Variants in ESRRG observed in about 807,000 individuals in gnomAD.
ESRRG encodes the protein estrogen-related receptor gamma.
In ESRRG, 13 loss-of-function variants were observed where a neutral mutation model predicts 44.0. The observed-to-expected ratio is 0.30, with a 90% confidence interval of 0.19 to 0.47. The LOEUF (loss-of-function observed/expected upper bound fraction) is 0.47, where lower values mean the gene tolerates loss of function less well. Ranked by LOEUF, ESRRG falls within the 20% of genes least tolerant of loss-of-function variation. The pLI is 1.00. For synonymous variants in ESRRG, 215 were observed against 214.6 expected, an observed-to-expected ratio of 1.00 and a Z score of -0.02; for missense variants, 395 against 580.6, an observed-to-expected ratio of 0.68 and a Z score of 3.29.
intron 1 of ESRRG, among the ~76,000 whole-genome samples, chr1:216,944,682 C>T (rs939213794): frequency 2.0e-5 from 3 of 152,152 alleles, no homozygotes; most frequent in African/African-American, 7.2e-5. Context: ...CTTACAAAGT[C>T]ATGACTAGAA....
intron 1 of ESRRG, among the ~76,000 whole-genome samples, chr1:216,700,006 G>T (rs1194713037): frequency 6.6e-6 from 1 of 152,106 alleles, no homozygotes; most frequent in African/African-American, 2.4e-5. Context: ...CAGTCAATCA[G>T]CCTGGGCTGA....
chr1:216,747,651 T>C (rs2152275286), intron 2 of ESRRG, among the ~76,000 whole-genome samples: 1 of 152,314 alleles, frequency 6.6e-6, no homozygotes, highest in East Asian at 1.9e-4. Flanking sequence ...CCAAAATACT[T>C]ACTGGTATAA....
intron 2 of ESRRG, among the ~76,000 whole-genome samples, chr1:216,854,807 G>A (rs2095900505): frequency 7.1e-6 from 1 of 141,290 alleles, no homozygotes; most frequent in Non-Finnish European, 1.5e-5. Flanking sequence ...CAGTGAAATT[G>A]TAAACTCCCG....
intron 1 of ESRRG, among the ~76,000 whole-genome samples, chr1:217,135,203 GC>G (rs2093032013): frequency 6.6e-6 from 1 of 151,598 alleles, no homozygotes; most frequent in Admixed American, 6.6e-5. Context: ...GCGCGGGGCA[GC>G]CCTCTAGGGC....
intron 2 of ESRRG, chr1:216,854,920 C>T (rs914987371): frequency 5.9e-5 from 9 of 152,090 alleles, no homozygotes; most frequent in African/African-American, 2.2e-4. Flanking sequence ...TTATAAGATG[C>T]TCATAAAGCA....
In ESRRG at chr1:216,507,163, C is replaced by T. The variant is rs1303681282; in HGVS notation, c.1153G>A (p.Val385Ile). 5.0e-6 allele frequency: 8 copies of T among 1,611,484 alleles called. No individual in the cohort carries two copies. The highest frequency in any genetic ancestry group is 5.1e-6 in the Non-Finnish European group (6 of 1,178,958). The change falls in exon 7 of 7, where the codon GTT becomes ATT. Residue 385 changes from valine to isoleucine, a missense_variant. Physicochemically the swap from Val to Ile is conservative, Grantham distance 29 (BLOSUM62 3). Transcript: ENST00000408911. ...ANSDSMHIED[V>I]EAVQKLQDVL... ...TCCTGAAGCTTCTGAACGGCTTCAA[C>T]ATCTTCTATGTGCATGGAGTCTGTG...
chr1:216,741,813 G>A (rs952561620), intron 2 of ESRRG, among the ~76,000 whole-genome samples: 7 of 152,154 alleles, frequency 4.6e-5, no homozygotes, highest in East Asian at 3.9e-4. Flanking sequence ...CCACACTTTC[G>A]TACATGGGTG....
At chr1:216,578,917 C>G (rs577395217) in intron 3 of ESRRG, among the ~76,000 whole-genome samples, 68 of 152,146 alleles carry the variant, frequency 4.5e-4, no homozygotes, top group Non-Finnish European at 8.1e-4. Flanking sequence ...CAATTCAACT[C>G]TTGAGGAATG....
intron 2 of ESRRG, among the ~76,000 whole-genome samples, chr1:216,872,386 G>A (rs2096271011): frequency 6.6e-6 from 1 of 151,986 alleles, no homozygotes; most frequent in South Asian, 2.1e-4. Context: ...GTGTGTTTTA[G>A]CACCACACTA....
At chr1:216,678,450 A>G (rs367828271) in intron 1 of ESRRG, among the ~76,000 whole-genome samples, 1 of 152,190 alleles carries the variant, frequency 6.6e-6, no homozygotes, top group Non-Finnish European at 1.5e-5. Context: ...GTCCTAAAAA[A>G]TATATTTGTG....
At chr1:216,743,709 CGTT>C (rs2091037176) in intron 2 of ESRRG, among the ~76,000 whole-genome samples, 1 of 152,124 alleles carries the variant, frequency 6.6e-6, no homozygotes, top group East Asian at 1.9e-4. Flanking sequence ...CTGTCACTGT[CGTT>C]GTGATCACAG....
chr1:217,109,554 C>T (rs992383720), intron 1 of ESRRG, among the ~76,000 whole-genome samples: 1 of 152,158 alleles, frequency 6.6e-6, no homozygotes, highest in Non-Finnish European at 1.5e-5. Flanking sequence ...AGCAAACATT[C>T]TCCACTTTTA....
chr1:217,077,597 G>A (rs576022432), intron 1 of ESRRG, among the ~76,000 whole-genome samples: 3 of 152,260 alleles, frequency 2.0e-5, no homozygotes, highest in South Asian at 4.2e-4. Flanking sequence ...CAATCCTAGC[G>A]AAGTAACTTA....
chr1:216,906,960 C>T lies in ESRRG; in HGVS notation c.-14+32622G>A, dbSNP rs150832563. Reference sequence around the variant, plus strand: ...GTTTTTTGTATATATTGATAACTGTCTGCACATGTGTATATATTTGTGTAT... The same window carrying T: ...GTTTTTTGTATATATTGATAACTGTTTGCACATGTGTATATATTTGTGTAT... On this transcript the variant is annotated intron_variant, in intron 2 of 7. Coordinates refer to the ESRRG transcript ENST00000359162. 6.0e-3 allele frequency among the ~76,000 whole-genome samples: 910 copies of T among 152,312 alleles called. 5 individuals carry two copies. Among genetic ancestry groups the T allele is most frequent in the Middle Eastern group, 0.024 (7 of 294 alleles).
chr1:216,855,751 T>C (rs1486285862), intron 2 of ESRRG, among the ~76,000 whole-genome samples: 2 of 152,124 alleles, frequency 1.3e-5, no homozygotes, highest in Non-Finnish European at 2.9e-5. Context: ...ACGAGATAAA[T>C]GCAGCTGCAA....
chr1:216,623,419 C>T (rs369947897), intron 3 of ESRRG, among the ~76,000 whole-genome samples: 4 of 152,222 alleles, frequency 2.6e-5, no homozygotes, highest in Middle Eastern at 3.4e-3. Flanking sequence ...CCATTTTTAT[C>T]GCACTAAATT....
intron 1 of ESRRG, among the ~76,000 whole-genome samples, chr1:217,073,651 AC>A (rs746632657): frequency 6.6e-6 from 1 of 152,088 alleles, no homozygotes; most frequent in Non-Finnish European, 1.5e-5. Flanking sequence ...CATCCCCTGA[AC>A]CCTCTGATTC....
chr1:216,887,588 A>T (rs1229849099), intron 2 of ESRRG, among the ~76,000 whole-genome samples: 3 of 152,180 alleles, frequency 2.0e-5, no homozygotes, highest in Non-Finnish European at 2.9e-5. Context: ...AAGAGTATGT[A>T]TACTATGGTT....
chr1:216,759,854 G>A (rs186323093), intron 2 of ESRRG, among the ~76,000 whole-genome samples: 31 of 152,216 alleles, frequency 2.0e-4, no homozygotes, highest in African/African-American at 7.2e-4. Context: ...GAAGGGATGA[G>A]GGGACAAGCA....
Sources: allele counts gnomAD v4.1 joint callset (sites outside exome capture counted in the v4.1 genomes callset), GRCh38; gene constraint gnomAD v4.1.1; transcripts MANE v1.5; gene names NCBI Gene and HGNC (gene_info 2026-07-23, HGNC 2026-07-21).